The following ACOX3 variants were observed in gnomAD, a reference collection of about 807,000 sequenced individuals.
ACOX3 encodes the protein acyl-CoA oxidase 3, pristanoyl.
ACOX3 carries 73 observed loss-of-function variants against 81.5 expected under a neutral mutation model. The ratio of observed to expected loss-of-function variants is 0.90; its 90% CI spans 0.74 to 1.09. The LOEUF is 1.09. ACOX3 is among the 50% of genes least tolerant of loss of function. The probability of loss-of-function intolerance (pLI) is 0.00; values close to 1 mark genes in which losing one functional copy is unlikely to be tolerated. For missense variants in ACOX3, 947 were observed against 928.0 expected (o/e 1.02, Z -0.27); for synonymous variants, 387 against 375.1 (o/e 1.03, Z -0.37).
chr4:8,363,746 G>T (rs552648468), downstream of ACOX3, among the ~76,000 whole-genome samples: 33 of 152,246 alleles, frequency 2.2e-4, no homozygotes, highest in South Asian at 4.1e-3. Context: ...TAAAATGGGT[G>T]GCAGTAAGGA....
the ACOX3 span, chr4:8,356,887 A>G: frequency 9.8e-4 from 443 of 452,508 alleles, 2 homozygotes; most frequent in Non-Finnish European, 1.6e-3. Context: ...AGCAGGGGAG[A>G]GGAAGAAAGT....
At chr4:8,387,552 G>A (rs1045467165) in intron 13 of ACOX3, among the ~76,000 whole-genome samples, 5 of 152,254 alleles carry the variant, frequency 3.3e-5, no homozygotes, top group African/African-American at 1.2e-4. Context: ...GTGAGGCGAT[G>A]GCGAGATGGA....
chr4:8,386,555 G>A lies in ACOX3; in HGVS notation c.1537+2618C>T, dbSNP rs1718326330. Among the ~76,000 whole-genome samples, 1 of 143,084 alleles carries A rather than the reference G, an allele frequency of 7.0e-6. No homozygotes were observed. The highest frequency in any genetic ancestry group is 1.5e-5 in the Non-Finnish European group (1 of 66,742). The allele number at this position is 143,084 out of a possible 152,430, so 93.9% of individuals were successfully genotyped here. ...CACTCCAGCCTGGGCGACAGAGCGAGACTCCGTCTCAAAAAAAAAAAAAAA... is the reference window on the plus strand; with the variant it reads ...CACTCCAGCCTGGGCGACAGAGCGAAACTCCGTCTCAAAAAAAAAAAAAAA... On this transcript the variant is annotated intron_variant, in intron 13 of 17. Transcript: ENST00000356406. The surrounding 1 kb of genome is among the most constrained non-coding windows in gnomAD (Gnocchi z 5.2).
At position 8,432,390 on chromosome 4, in the gene ACOX3, C is replaced by T. The variant is rs528059241; in HGVS notation, c.-15+8258G>A. Among the ~76,000 whole-genome samples the T allele has an allele frequency of 5.3e-5, 8 of 152,208 alleles. No homozygotes were observed. The highest frequency in any genetic ancestry group is 2.0e-4 in the Admixed American group (3 of 15,294). On this transcript the variant is annotated intron_variant, in intron 1 of 17. Coordinates refer to ENST00000356406, the MANE Select transcript of ACOX3 (RefSeq NM_003501.3). The surrounding 1 kb of genome is among the most constrained non-coding windows in gnomAD (Gnocchi z 6.2). Reference sequence around the variant, plus strand: ...CTGGGACTACAGGCGCCCACCACCACGCCCGGCTAATTTTTTGTATTTTTA... The same window carrying T: ...CTGGGACTACAGGCGCCCACCACCATGCCCGGCTAATTTTTTGTATTTTTA...
In ACOX3 at chr4:8,375,095, A is replaced by G; in HGVS notation, c.1711T>C (p.Phe571Leu). The change falls in exon 15 of 18, where the codon TTC becomes CTC. Residue 571 changes from phenylalanine to leucine, a missense_variant. By Grantham distance (22) the Phe-to-Leu change is conservative (BLOSUM62 0). Coordinates refer to ENST00000356406, the MANE Select transcript of ACOX3 (RefSeq NM_003501.3). ...GAAGGCTGGTGCACGTGCTCGTGGA[A>G]CCTCTGGACCACCGTGAGCTCCACG... ...AFVELTVVQR[F>L]HEHVHQPSVP... 6.4e-7 allele frequency: 1 copy of G among 1,554,340 alleles called. No individual in the cohort carries two copies. Among genetic ancestry groups the G allele is most frequent in the Non-Finnish European group, 8.7e-7 (1 of 1,148,896 alleles).
chr4:8,416,061 T>C lies in ACOX3; in HGVS notation c.145-62A>G. Reference sequence around the variant, plus strand: ...TAAAAGATGGACTCTCCATGTGCCCTTATATAGTTGACCTCCAGGCCACAG... The same window carrying C: ...TAAAAGATGGACTCTCCATGTGCCCCTATATAGTTGACCTCCAGGCCACAG... On this transcript the variant is annotated intron_variant, in intron 2 of 17. Coordinates refer to ENST00000356406, the MANE Select transcript of ACOX3 (RefSeq NM_003501.3). This position sits in a 1 kb window ranked among gnomAD's most constrained non-coding sequence, Gnocchi z 4.2. 1 of 1,525,196 alleles carries C rather than the reference T, an allele frequency of 6.6e-7. No homozygotes were observed. The highest frequency in any genetic ancestry group is 9.0e-7 in the Non-Finnish European group (1 of 1,105,452). The allele number at this position is 1,525,196 out of a possible 1,614,324, so 94.5% of individuals were successfully genotyped here. A position where few individuals can be genotyped will look rare whatever the true frequency, so the allele number is the denominator to read the frequency against.
rs1489341638 is a variant in ACOX3, at chr4:8,389,897, G to A, written c.1301-163C>T. On this transcript the variant is annotated intron_variant, in intron 11 of 17. Transcript: ENST00000356406. This position sits in a 1 kb window ranked among gnomAD's most constrained non-coding sequence, Gnocchi z 5.3. The stretch of plus-strand genomic sequence containing the variant: ...AGGCGGGTGGATCACTTGAAGCCAG[G>A]TGTTCAAGACCAGCCTGACCAACAT... Among the ~76,000 whole-genome samples, 1 of 152,068 alleles carries A rather than the reference G, an allele frequency of 6.6e-6. No homozygotes were observed. Among genetic ancestry groups the A allele is most frequent in the Non-Finnish European group, 1.5e-5 (1 of 68,024 alleles).
rs370834814 is a variant in ACOX3 at position 8,392,501 on chromosome 4, C to T, written c.1180-48G>A. 9.2e-5 allele frequency: 135 copies of T among 1,474,722 alleles called. No individual in the cohort carries two copies. The African/African-American group carries it at 1.3e-3, about 15-fold the overall frequency. The allele number at this position is 1,474,722 out of a possible 1,614,324, so 91.4% of individuals were successfully genotyped here. ...AGAACAGGTGAAAAGAGACTTTAGA[C>T]ACCAAAAAGTCATAAGTCAGCAATA... On this transcript the variant is annotated intron_variant, in intron 10 of 17. Coordinates refer to ENST00000356406, the MANE Select transcript of ACOX3 (RefSeq NM_003501.3).
intron 5 of ACOX3, among the ~76,000 whole-genome samples, 163 bp from the exon 6 acceptor site, chr4:8,410,518 T>C (rs1721600979): frequency 6.6e-6 from 1 of 152,248 alleles, no homozygotes; most frequent in African/African-American, 2.4e-5. Context: ...GGCAGGCCTA[T>C]TTTTTAAACA....
At chr4:8,429,642 G>A (rs1234006620) in intron 1 of ACOX3, among the ~76,000 whole-genome samples, 18 of 152,226 alleles carry the variant, frequency 1.2e-4, no homozygotes, top group Admixed American at 1.0e-3. Context: ...CTCTCTTAGC[G>A]AAGGGAGAGT....
chr4:8,415,782 T>C lies in ACOX3; in HGVS notation c.362A>G (p.Tyr121Cys). The change falls in exon 3 of 18, where the codon TAC becomes TGC. Residue 121 changes from tyrosine (Y) to cysteine (C), a missense_variant. Tyr to Cys is a radical substitution (Grantham distance 194). Coordinates refer to ENST00000356406, the MANE Select transcript of ACOX3 (RefSeq NM_003501.3). ...GMYDSSLAAK[Y>C]LLHSLVFGSA... ...CATGCTCACCAAGCTATGGAGGAGG[T>C]ACTTGGCAGCCAGAGAAGAGTCATA... is the stretch of plus-strand genomic sequence containing the variant. 6.2e-7 allele frequency: 1 copy of C among 1,613,738 alleles called. No individual in the cohort carries two copies. The highest frequency in any genetic ancestry group is 8.5e-7 in the Non-Finnish European group (1 of 1,179,932).
rs1026086781 is a variant in ACOX3, at chr4:8,386,671, G to A, written c.1537+2502C>T. On this transcript the variant is annotated intron_variant, in intron 13 of 17. Transcript: ENST00000356406. The surrounding 1 kb of genome is among the most constrained non-coding windows in gnomAD (Gnocchi z 5.2). ...AAAAAGGCAGGCTAAGATCTGCACG[G>A]TTAGTTACCGTCAGAAGCTGTAACC... is the stretch of plus-strand genomic sequence containing the variant. 6.6e-6 allele frequency among the ~76,000 whole-genome samples: 1 copy of A among 152,204 alleles called. No homozygotes were observed. The highest frequency in any genetic ancestry group is 1.5e-5 in the Non-Finnish European group (1 of 68,042).
chr4:8,427,837 C>T (rs778746721), intron 1 of ACOX3, among the ~76,000 whole-genome samples: 6 of 152,266 alleles, frequency 3.9e-5, no homozygotes, highest in Non-Finnish European at 4.4e-5. Flanking sequence ...CCAAATACGG[C>T]GACACCTGGC....
At chr4:8,357,514 T>C in the ACOX3 span, 8 of 309,920 alleles carry the variant, frequency 2.6e-5, 1 homozygote, top group South Asian at 1.5e-4. Context: ...TAGTACCTAA[T>C]AATCACGTTA....
At chr4:8,434,480 G>A (rs924113816) in intron 1 of ACOX3, among the ~76,000 whole-genome samples, 28 of 152,266 alleles carry the variant, frequency 1.8e-4, no homozygotes, top group African/African-American at 6.3e-4. Context: ...CCTGTGGGGG[G>A]CTCCAGCCAG....
In ACOX3 at chr4:8,399,945, A is replaced by C. The variant is rs1404694721; in HGVS notation, c.777-293T>G. Among the ~76,000 whole-genome samples, 1 of 152,148 alleles carries C rather than the reference A, an allele frequency of 6.6e-6. No homozygotes were observed. The highest frequency in any genetic ancestry group is 1.9e-4 in the East Asian group (1 of 5,184). ...TGAGACCCTGTTTCTAAAAAAGAAA[A>C]AAATGTAGGTTAAAAAATAGGCTGG... is the stretch of plus-strand genomic sequence containing the variant. On this transcript the variant is annotated intron_variant, in intron 7 of 17. Transcript: ENST00000356406. The surrounding 1 kb of genome is among the most constrained non-coding windows in gnomAD (Gnocchi z 4.9).
chr4:8,375,966 C>A (rs530814316), intron 14 of ACOX3, among the ~76,000 whole-genome samples: 2 of 152,182 alleles, frequency 1.3e-5, no homozygotes, highest in Non-Finnish European at 2.9e-5. Flanking sequence ...AATAGCGCTG[C>A]GATGGACATA....
In ACOX3 at chr4:8,414,247, C is replaced by G; in HGVS notation, c.543+45G>C. On this transcript the variant is annotated intron_variant, in intron 5 of 17. Coordinates refer to ENST00000356406, the MANE Select transcript of ACOX3 (RefSeq NM_003501.3). This position sits in a 1 kb window ranked among gnomAD's most constrained non-coding sequence, Gnocchi z 6.1. ...GCAACGGCATTTGCACTCATGACGT[C>G]TCATATGCTCCAAACTCAGGGACCC... 3 of 1,531,490 alleles carry G rather than the reference C, an allele frequency of 2.0e-6. No homozygotes were observed. Among genetic ancestry groups the G allele is most frequent in the Non-Finnish European group, 2.7e-6 (3 of 1,105,624 alleles). 94.9% of individuals were successfully genotyped at this position (1,531,490 alleles called of 1,614,324 possible). A position where few individuals can be genotyped will look rare whatever the true frequency, so the allele number is the denominator to read the frequency against.
Position 8,405,101 on chromosome 4 carries a change from G to A in ACOX3, c.776+854C>T, listed in dbSNP as rs1720792689. Among the ~76,000 whole-genome samples the A allele has an allele frequency of 6.6e-6, 1 of 152,156 alleles. No homozygotes were observed. The highest frequency in any genetic ancestry group is 1.5e-5 in the Non-Finnish European group (1 of 68,032). ...AGGAAATGCCAAGAAAGCTGGTCAA[G>A]GTGACACAAAGGGCCGGCTGCACAT... On this transcript the variant is annotated intron_variant, in intron 7 of 17. Coordinates refer to ENST00000356406, the MANE Select transcript of ACOX3 (RefSeq NM_003501.3). The surrounding 1 kb of genome is among the most constrained non-coding windows in gnomAD (Gnocchi z 7.1).
Sources: gnomAD v4.1 joint callset for allele counts (sites outside exome capture counted in the v4.1 genomes callset) on GRCh38, gnomAD v4.1.1 for gene constraint, Gnocchi (gnomAD v3.1) non-coding constraint, MANE v1.5 for transcripts, NCBI Gene and HGNC (gene_info 2026-07-23, HGNC 2026-07-21) for gene names.